The following CHN1 variants were observed in gnomAD, a reference collection of about 807,000 sequenced individuals.
The protein encoded by CHN1 is chimerin 1, also known as N-chimaerin.
A neutral mutation model predicts 59.5 loss-of-function variants in CHN1; 37 were observed. The observed-to-expected ratio is 0.62, with a 90% CI of 0.48 to 0.82. CHN1 has a LOEUF of 0.82. Ranked by LOEUF, CHN1 falls within the 40% of genes least tolerant of loss-of-function variation. The probability of loss-of-function intolerance (pLI) is 0.00; values close to 1 mark genes in which losing one functional copy is unlikely to be tolerated. For missense variants in CHN1, 469 were observed against 571.0 expected (o/e 0.82, Z 1.82); for synonymous variants, 206 against 200.4 (o/e 1.03, Z -0.24).
intron 1 of CHN1, among the ~76,000 whole-genome samples, chr2:174,952,759 C>G (rs982229866): frequency 6.6e-6 from 1 of 152,182 alleles, no homozygotes; most frequent in Non-Finnish European, 1.5e-5. Flanking sequence ...ATGAGAAACA[C>G]TTCAATGGAA....
intron 1 of CHN1, among the ~76,000 whole-genome samples, chr2:175,002,443 G>A (rs948336882): frequency 2.6e-5 from 4 of 152,096 alleles, no homozygotes; most frequent in Non-Finnish European, 4.4e-5. Flanking sequence ...ACAAGTATTC[G>A]AGTTCCTATA....
chr2:174,858,629 T>C (rs929970391), intron 6 of CHN1, among the ~76,000 whole-genome samples: 1 of 152,176 alleles, frequency 6.6e-6, no homozygotes, highest in Admixed American at 6.6e-5. Context: ...AAACTTTTTA[T>C]ATCATGTCCA....
At position 174,838,996 on chromosome 2, in the gene CHN1, G is replaced by A. The variant is rs187541796; in HGVS notation, c.627+7884C>T. On this transcript the variant is annotated intron_variant, in intron 7 of 12. Transcript: ENST00000409900. ...TGTGCCACTGCACTCCAGCCTCGGC[G>A]ACAGAGTGAGACTCTGTCTTAAAAA... 4.5e-3 allele frequency among the ~76,000 whole-genome samples: 677 copies of A among 150,674 alleles called. 7 individuals carry two copies. Among genetic ancestry groups the A allele is most frequent in the African/African-American group, 0.016 (636 of 40,786 alleles).
chr2:174,940,675 C>A (rs1574191110), intron 3 of CHN1, among the ~76,000 whole-genome samples: 1 of 152,130 alleles, frequency 6.6e-6, no homozygotes, highest in East Asian at 1.9e-4. Flanking sequence ...ACAGGTGATA[C>A]CGTGTGTTTC....
chr2:174,968,657 A>G (rs895233050), intron 1 of CHN1, among the ~76,000 whole-genome samples: 1 of 152,256 alleles, frequency 6.6e-6, no homozygotes, highest in African/African-American at 2.4e-5. Context: ...TGGGGCTGTA[A>G]CGTTTCTTGC....
intron 1 of CHN1, among the ~76,000 whole-genome samples, chr2:174,985,776 A>G (rs1691319629): frequency 6.6e-6 from 1 of 152,200 alleles, no homozygotes; most frequent in South Asian, 2.1e-4. Flanking sequence ...AAGCTTCTAG[A>G]AATCTAAACT....
At chr2:174,941,733 TA>T (rs1207403139) in intron 3 of CHN1, among the ~76,000 whole-genome samples, 2 of 152,122 alleles carry the variant, frequency 1.3e-5, no homozygotes, top group African/African-American at 4.8e-5. Flanking sequence ...AAAAATAAAC[TA>T]TTTTTTTTTC....
At chr2:174,851,405 G>A (rs1686725247) in intron 6 of CHN1, among the ~76,000 whole-genome samples, 1 of 152,064 alleles carries the variant, frequency 6.6e-6, no homozygotes, top group Admixed American at 6.5e-5. Flanking sequence ...TCAGCCTCCT[G>A]AGTAGCAGGG....
At chr2:174,972,105 G>A (rs1383214666) in intron 1 of CHN1, among the ~76,000 whole-genome samples, 2 of 152,130 alleles carry the variant, frequency 1.3e-5, no homozygotes, top group Non-Finnish European at 2.9e-5. Context: ...CAACAAGCTG[G>A]TATCCCTTAT....
intron 6 of CHN1, among the ~76,000 whole-genome samples, chr2:174,862,744 CACA>C (rs1054145646): frequency 1.3e-5 from 2 of 152,118 alleles, no homozygotes; most frequent in Non-Finnish European, 2.9e-5. Flanking sequence ...TTTACACTTC[CACA>C]TTTGAAAACC....
chr2:175,003,278 A>C (rs1386804389), intron 1 of CHN1, among the ~76,000 whole-genome samples: 1 of 152,264 alleles, frequency 6.6e-6, no homozygotes, highest in Admixed American at 6.5e-5. Context: ...TTTTCCCATA[A>C]GTAGACTTTA....
At chr2:174,863,535 C>A (rs1459250086) in intron 6 of CHN1, among the ~76,000 whole-genome samples, 2 of 152,012 alleles carry the variant, frequency 1.3e-5, no homozygotes, top group East Asian at 3.9e-4. Context: ...ATATTGTTAA[C>A]ATGTAATTTT....
chr2:174,908,687 C>T (rs559186302), intron 5 of CHN1, among the ~76,000 whole-genome samples: 1 of 152,278 alleles, frequency 6.6e-6, no homozygotes, highest in East Asian at 1.9e-4. Flanking sequence ...TCTTTCTTGA[C>T]CCACTTGAAT....
chr2:174,811,956 TTA>T (rs34565220), intron 9 of CHN1: 102,776 of 238,412 alleles, frequency 0.43, 23,631 homozygotes, highest in African/African-American at 0.6. Flanking sequence ...GTTTTTGGCT[TTA>T]TAGATAGTTT....
At position 174,911,761 on chromosome 2, in the gene CHN1, A is replaced by C. The variant is rs1688708382; in HGVS notation, c.260+3297T>G. Among the ~76,000 whole-genome samples, 3 of 152,350 alleles carry C rather than the reference A, an allele frequency of 2.0e-5. No individual in the cohort carries two copies. In the South Asian group the frequency reaches 6.2e-4, roughly 32 times the overall value. On this transcript the variant is annotated intron_variant, in intron 5 of 12. Coordinates refer to ENST00000409900, the MANE Select transcript of CHN1 (RefSeq NM_001822.7). ...TCATTAGGATCCTCAGTGGAGGGCT[A>C]GTCTCCTTTAAGTGCAGGAGAGATG...
Position 174,799,616 on chromosome 2 carries a change from A to T in CHN1, c.*500T>A. 3.8e-6 allele frequency: 2 copies of T among 529,614 alleles called. No individual in the cohort carries two copies. Among genetic ancestry groups the T allele is most frequent in the South Asian group, 3.1e-5 (2 of 65,142 alleles). 32.8% of individuals were successfully genotyped at this position (529,614 alleles called of 1,614,324 possible). A position where few individuals can be genotyped will look rare whatever the true frequency, so the allele number is the denominator to read the frequency against. ...GAAGAACTAAGAGAAACCAGAAATCATTTGTAAAATGTAGGCATGTGATAT... is the reference window on the plus strand; with the variant it reads ...GAAGAACTAAGAGAAACCAGAAATCTTTTGTAAAATGTAGGCATGTGATAT... On this transcript the variant is annotated 3_prime_UTR_variant, in exon 13 of 13. Coordinates refer to ENST00000409900, the MANE Select transcript of CHN1 (RefSeq NM_001822.7).
intron 1 of CHN1, among the ~76,000 whole-genome samples, chr2:174,994,440 C>T (rs187626511): frequency 8.8e-4 from 134 of 152,246 alleles, no homozygotes; most frequent in African/African-American, 3.0e-3. Flanking sequence ...TAACATCCAA[C>T]ATTTATTGAG....
chr2:174,970,053 T>C (rs1397645614), intron 1 of CHN1, among the ~76,000 whole-genome samples: 1 of 152,214 alleles, frequency 6.6e-6, no homozygotes, highest in Non-Finnish European at 1.5e-5. Flanking sequence ...ACTTCACCAG[T>C]ACACACTCAC....
chr2:174,833,851 G>A (rs1461187187), intron 7 of CHN1, among the ~76,000 whole-genome samples: 1 of 150,186 alleles, frequency 6.7e-6, no homozygotes, highest in African/African-American at 2.5e-5. Flanking sequence ...GAGTGCAGTG[G>A]CACAATCATA....
Sources: gnomAD v4.1 joint callset for allele counts (sites outside exome capture counted in the v4.1 genomes callset) on GRCh38, gnomAD v4.1.1 for gene constraint, MANE v1.5 for transcripts, NCBI Gene and HGNC (gene_info 2026-07-23, HGNC 2026-07-21) for gene names.